The following KDM2B variants were observed in gnomAD, a reference collection of about 807,000 sequenced individuals.
The protein encoded by KDM2B is lysine-specific demethylase 2B.
KDM2B carries 26 observed loss-of-function variants against 150.0 expected under a neutral mutation model. The ratio of observed to expected loss-of-function variants is 0.17; its 90% CI spans 0.13 to 0.24. The LOEUF (loss-of-function observed/expected upper bound fraction) is 0.24. Among genes scored for constraint, KDM2B ranks in the 10% least tolerant of loss-of-function variants. KDM2B has a pLI of 1.00. For missense variants in KDM2B, 1,265 were observed against 1,816.9 expected (o/e 0.70, Z 5.52); for synonymous variants, 734 against 729.5 (o/e 1.01, Z -0.10).
In KDM2B at chr12:121,534,412, G is replaced by A. The variant is rs116409487; in HGVS notation, c.777+85C>T. On this transcript the variant is annotated intron_variant, in intron 7 of 22. Coordinates refer to ENST00000377071, the MANE Select transcript of KDM2B (RefSeq NM_032590.5). ...GGGCAGGGCTGGTTGGAGGAGGGAGGTGGGAGGAGAGGGAAAGGTAAGTGA... is the reference window on the plus strand; with the variant it reads ...GGGCAGGGCTGGTTGGAGGAGGGAGATGGGAGGAGAGGGAAAGGTAAGTGA... 2,869 of 944,904 alleles carry A rather than the reference G, an allele frequency of 3.0e-3. 55 individuals carry two copies. In the African/African-American group the frequency reaches 0.041, roughly 13 times the overall value. The allele number at this position is 944,904 out of a possible 1,614,324, so 58.5% of individuals were successfully genotyped here.
In KDM2B at chr12:121,521,224, G is replaced by T. The variant is rs1489487016; in HGVS notation, c.932-124C>A. The T allele has an allele frequency of 4.5e-6, 3 of 660,734 alleles. No individual in the cohort carries two copies. The highest frequency in any genetic ancestry group is 8.1e-6 in the Non-Finnish European group (3 of 372,374). 40.9% of individuals were successfully genotyped at this position (660,734 alleles called of 1,614,324 possible). A position where few individuals can be genotyped will look rare whatever the true frequency, so the allele number is the denominator to read the frequency against. On this transcript the variant is annotated intron_variant, in intron 8 of 22. Transcript: ENST00000377071. The surrounding 1 kb of genome is among the most constrained non-coding windows in gnomAD (Gnocchi z 4.9). The stretch of plus-strand genomic sequence containing the variant: ...GCAGGGAGTGGAGAAGAGCAGCCAG[G>T]GCCTGGGGCAGCGGCGCCCAGCAAT...
chr12:121,413,527 TCA>T, the KDM2B span, among the ~76,000 whole-genome samples: 3 of 149,130 alleles, frequency 2.0e-5, no homozygotes, highest in South Asian at 2.2e-4. Context: ...TTCTCCTGCC[TCA>T]GCCTCCCGAG....
chr12:121,440,626 G>C, intron 21 of KDM2B, 190 bp downstream of exon 21: 1 of 583,458 alleles, frequency 1.7e-6, no homozygotes, highest in Non-Finnish European at 3.0e-6. Context: ...CCAGGAGCGA[G>C]TCTCACGTGT....
intron 8 of KDM2B, among the ~76,000 whole-genome samples, chr12:121,528,835 G>A (rs963614719): frequency 6.6e-6 from 1 of 152,232 alleles, no homozygotes; most frequent in Non-Finnish European, 1.5e-5. Context: ...GGAGGTTACA[G>A]TGAGCTGAGA....
intron 9 of KDM2B, chr12:121,516,704 C>T (rs1555305062): frequency 6.4e-6 from 4 of 627,850 alleles, no homozygotes; most frequent in Non-Finnish European, 8.4e-6. Flanking sequence ...GGCACCTGGC[C>T]TCAGCCCTTC....
At chr12:121,472,100 G>A (rs1304293274) in intron 12 of KDM2B, among the ~76,000 whole-genome samples, 2 of 152,156 alleles carry the variant, frequency 1.3e-5, no homozygotes, top group African/African-American at 4.8e-5. Flanking sequence ...TCCACCCTGG[G>A]CAACAGAGCA....
chr12:121,442,428 G>T lies in KDM2B; in HGVS notation c.3013C>A (p.Pro1005Thr). 6.3e-7 allele frequency: 1 copy of T among 1,599,278 alleles called. No individual in the cohort carries two copies. The highest frequency in any genetic ancestry group is 8.5e-7 in the Non-Finnish European group (1 of 1,178,398). Residue 1005 changes from proline to threonine, a missense_variant, in exon 19 of 23, where the codon CCC (proline) becomes ACC (threonine). Pro to Thr is a conservative substitution (Grantham distance 38). Transcript: ENST00000377071. The surrounding 1 kb of genome is among the most constrained non-coding windows in gnomAD (Gnocchi z 7.7). The part of the protein sequence containing the change: ...HRFSKGLNGT[P>T]RELRHQLGPS... ...CCCAGCTGGTGCCGCAGCTCCCGGG[G>T]GGTGCCGTTGAGCCCCTTGCTGAAG...
At chr12:121,420,193 T>G in the KDM2B span, 1 of 1,575,968 alleles carries the variant, frequency 6.3e-7, no homozygotes, top group Non-Finnish European at 8.7e-7. Context: ...TCTCTAGTGA[T>G]AAATACAGAT....
chr12:121,475,904 C>G (rs1455991012), intron 12 of KDM2B, among the ~76,000 whole-genome samples: 1 of 151,644 alleles, frequency 6.6e-6, no homozygotes, highest in Non-Finnish European at 1.5e-5. Context: ...TGGCTCACAC[C>G]TGTTATCCCA....
chr12:121,444,345 C>A (rs782536354), intron 15 of KDM2B, 73 bp from the exon 16 acceptor site: 32 of 1,606,500 alleles, frequency 2.0e-5, no homozygotes, highest in South Asian at 4.4e-5. Flanking sequence ...CTCCCCAGGC[C>A]GACGGCAACC....
At chr12:121,517,713 C>T (rs1274282534) in intron 9 of KDM2B, among the ~76,000 whole-genome samples, 2 of 151,602 alleles carry the variant, frequency 1.3e-5, no homozygotes, top group African/African-American at 2.4e-5. Flanking sequence ...TCAGATCATC[C>T]GCCTGCCTTG....
chr12:121,453,798 G>C lies in KDM2B; in HGVS notation c.1735-454C>G, dbSNP rs555990010. ...CTTCAGACTCCTGGCCTCCAGAACCGGGAGAGAAGAAAGGCCGGTTGTTTT... is the reference window on the plus strand; with the variant it reads ...CTTCAGACTCCTGGCCTCCAGAACCCGGAGAGAAGAAAGGCCGGTTGTTTT... On this transcript the variant is annotated intron_variant, in intron 12 of 22. Transcript: ENST00000377071. The surrounding 1 kb of genome is among the most constrained non-coding windows in gnomAD (Gnocchi z 6.4). 1.2e-4 allele frequency among the ~76,000 whole-genome samples: 18 copies of C among 152,226 alleles called. No homozygotes were observed. In the South Asian group the frequency reaches 3.1e-3, roughly 26 times the overall value.
intron 4 of KDM2B, among the ~76,000 whole-genome samples, chr12:121,567,378 G>A (rs1890779227): frequency 6.6e-6 from 1 of 152,072 alleles, no homozygotes. Context: ...ACATCTTTAG[G>A]GTGAGCCCTC....
Position 121,429,167 on chromosome 12 carries a change from A to G in KDM2B, c.*1121T>C, listed in dbSNP as rs1555284761. 1.3e-5 allele frequency: 2 copies of G among 152,702 alleles called. No homozygotes were observed. The highest frequency in any genetic ancestry group is 1.3e-4 in the Admixed American group (2 of 15,282). 9.5% of individuals were successfully genotyped at this position (152,702 alleles called of 1,614,324 possible). The stretch of plus-strand genomic sequence containing the variant: ...GTCCACTCCTAGAACAGAAACCCTC[A>G]AAGTTCAAGAGTGGTTTTTTTTGTA... On this transcript the variant is annotated 3_prime_UTR_variant, in exon 23 of 23. Transcript: ENST00000377071.
At chr12:121,547,415 GGCCAGCCT>G (rs1555310883) in intron 6 of KDM2B, among the ~76,000 whole-genome samples, 1 of 152,070 alleles carries the variant, frequency 6.6e-6, no homozygotes, top group East Asian at 1.9e-4. Context: ...GAAGCCCAAG[GGCCAGCCT>G]GCTGGCCTCC....
intron 12 of KDM2B, 46 bp downstream of exon 12, chr12:121,494,522 CAGGAGGTGGGA>C (rs1157747365): frequency 1.1e-5 from 16 of 1,391,666 alleles, no homozygotes; most frequent in Middle Eastern, 1.8e-4. Context: ...GTTCACCCTA[CAGGAGGTGGGA>C]AGGAGGTGGG....
intron 12 of KDM2B, among the ~76,000 whole-genome samples, chr12:121,465,215 G>GTT (rs1566299052): frequency 1.3e-5 from 2 of 152,036 alleles, no homozygotes; most frequent in African/African-American, 4.8e-5. Flanking sequence ...ATACAGGTTT[G>GTT]TTTGTTTTTG....
intron 8 of KDM2B, among the ~76,000 whole-genome samples, chr12:121,527,360 G>GC (rs1887232080): frequency 7.2e-6 from 1 of 138,906 alleles, no homozygotes. Context: ...AAAAAAAATT[G>GC]TTTAAAAAAA....
the KDM2B span, chr12:121,420,292 T>C: frequency 2.7e-5 from 43 of 1,588,008 alleles, no homozygotes; most frequent in South Asian, 9.1e-5. Flanking sequence ...ATGACGACGA[T>C]GATGAGGATG....
Sources: allele counts gnomAD v4.1 joint callset (sites outside exome capture counted in the v4.1 genomes callset), GRCh38; gene constraint gnomAD v4.1.1; non-coding constraint Gnocchi (gnomAD v3.1); transcripts MANE v1.5; gene names NCBI Gene and HGNC (gene_info 2026-07-23, HGNC 2026-07-21).